The following EPHA6 variants were observed in gnomAD, a reference collection of about 807,000 sequenced individuals.
EPHA6 encodes EPH receptor A6, also known as ephrin type-A receptor 6.
A neutral mutation model predicts 112.0 loss-of-function variants in EPHA6; 50 were observed. The observed-to-expected ratio is 0.45, with a 90% CI of 0.36 to 0.56. EPHA6 has a LOEUF of 0.56. Ranked by LOEUF, EPHA6 falls within the 20% of genes least tolerant of loss-of-function variation. The probability of loss-of-function intolerance (pLI) is 0.00; values close to 1 mark genes in which losing one functional copy is unlikely to be tolerated. For synonymous variants in EPHA6, 529 were observed against 490.7 expected, an observed-to-expected ratio of 1.08 and a Z score of -1.03; for missense variants, 1,280 against 1,417.4, an observed-to-expected ratio of 0.90 and a Z score of 1.56.
At chr3:97,668,768 G>A (rs924835384) in intron 14 of EPHA6, among the ~76,000 whole-genome samples, 1 of 151,646 alleles carries the variant, frequency 6.6e-6, no homozygotes, top group Non-Finnish European at 1.5e-5. Context: ...ACAAAAATTA[G>A]CTGGGCATGG....
At chr3:97,207,264 T>C (rs1302307606) in intron 3 of EPHA6, among the ~76,000 whole-genome samples, 2 of 152,184 alleles carry the variant, frequency 1.3e-5, no homozygotes, top group Non-Finnish European at 2.9e-5. Flanking sequence ...GGGTCACTTA[T>C]TTATTTTGTT....
At position 97,423,596 on chromosome 3, in the gene EPHA6, A is replaced by C. The variant is rs561921252; in HGVS notation, c.1731+18322A>C. Among the ~76,000 whole-genome samples the C allele has an allele frequency of 2.6e-5, 4 of 152,336 alleles. No individual in the cohort carries two copies. In the East Asian group the frequency reaches 7.7e-4, roughly 29 times the overall value. On this transcript the variant is annotated intron_variant, in intron 6 of 17. Transcript: ENST00000389672. The stretch of plus-strand genomic sequence containing the variant: ...ACTACCCAAAGCAATCTACATATTC[A>C]ATGCTATTCCTATCAATCTACCTAT...
intron 3 of EPHA6, among the ~76,000 whole-genome samples, chr3:97,107,975 ATAC>A (rs1487799095): frequency 1.3e-5 from 2 of 152,184 alleles, no homozygotes; most frequent in Non-Finnish European, 2.9e-5. Flanking sequence ...AAACTACATG[ATAC>A]TATTCTAAGT....
Position 97,700,711 on chromosome 3 carries a change from C to T in EPHA6, c.2785-19550C>T, listed in dbSNP as rs972932378. 5.3e-5 allele frequency among the ~76,000 whole-genome samples: 8 copies of T among 152,238 alleles called. No individual in the cohort carries two copies. The South Asian group carries it at 6.2e-4, about 12-fold the overall frequency. On this transcript the variant is annotated intron_variant, in intron 14 of 17. Transcript: ENST00000389672. ...AAATACACCACACACACATACAGTA[C>T]ACATATAAAATATATGCATATATGT...
At chr3:97,144,683 T>C (rs1308071528) in intron 3 of EPHA6, among the ~76,000 whole-genome samples, 1 of 151,554 alleles carries the variant, frequency 6.6e-6, no homozygotes, top group Non-Finnish European at 1.5e-5. Context: ...AAATTAATAA[T>C]CTTCATTACG....
At chr3:96,984,089 C>T (rs1287403148) in intron 2 of EPHA6, among the ~76,000 whole-genome samples, 2 of 152,200 alleles carry the variant, frequency 1.3e-5, no homozygotes, top group African/African-American at 4.8e-5. Flanking sequence ...TTTTCCGTTG[C>T]TGGCGAGGAA....
At chr3:96,988,212 A>T (rs1283585343) in intron 3 of EPHA6, among the ~76,000 whole-genome samples, 2 of 152,180 alleles carry the variant, frequency 1.3e-5, no homozygotes, top group Non-Finnish European at 2.9e-5. Flanking sequence ...AATATTATAC[A>T]TTTATTTCAA....
chr3:97,563,886 CAA>C (rs1240293646), intron 11 of EPHA6, among the ~76,000 whole-genome samples: 1 of 152,076 alleles, frequency 6.6e-6, no homozygotes, highest in East Asian at 1.9e-4. Flanking sequence ...TTATTAGTAT[CAA>C]GTGTTTAGAA....
chr3:96,919,133 G>A (rs112848804), intron 2 of EPHA6, among the ~76,000 whole-genome samples: 2,067 of 151,924 alleles, frequency 0.014, 50 homozygotes, highest in African/African-American at 0.046. Context: ...ACTGTGGAAC[G>A]TAGCCGCTTT....
At chr3:97,179,717 G>GTCTCTCCC (rs2076932715) in intron 3 of EPHA6, among the ~76,000 whole-genome samples, 1 of 119,110 alleles carries the variant, frequency 8.4e-6, no homozygotes, top group Admixed American at 8.0e-5. Flanking sequence ...AACCTACAGA[G>GTCTCTCCC]TCTCTCTCTC....
intron 14 of EPHA6, among the ~76,000 whole-genome samples, chr3:97,719,081 C>A (rs2034387210): frequency 2.9e-5 from 1 of 34,580 alleles, no homozygotes; most frequent in African/African-American, 1.4e-4. Context: ...CCGTTCCCGC[C>A]CCCCCCACCC....
intron 1 of EPHA6, among the ~76,000 whole-genome samples, chr3:96,849,124 A>G (rs1213425620): frequency 1.3e-5 from 2 of 152,160 alleles, no homozygotes; most frequent in East Asian, 3.9e-4. Context: ...TTAATTTAGA[A>G]ATTGCTGACC....
intron 5 of EPHA6, among the ~76,000 whole-genome samples, chr3:97,342,174 C>T (rs1034937737): frequency 2.0e-5 from 3 of 152,126 alleles, no homozygotes; most frequent in Non-Finnish European, 4.4e-5. Flanking sequence ...CCTGTCTTCA[C>T]AGAACTGGAA....
At chr3:96,820,878 A>T (rs998174044) in intron 1 of EPHA6, among the ~76,000 whole-genome samples, 3 of 151,974 alleles carry the variant, frequency 2.0e-5, no homozygotes, top group African/African-American at 7.2e-5. Context: ...AGCAGAGTCT[A>T]GGTTTTGGCT....
chr3:97,736,460 AGAGAGAGAGAGTGTGTGTGTGT>A (rs1337558822), intron 16 of EPHA6, among the ~76,000 whole-genome samples: 94 of 145,562 alleles, frequency 6.5e-4, no homozygotes, highest in Non-Finnish European at 9.1e-4. Context: ...AGAGAGAGAG[AGAGAGAGAGAGTGTGTGTGTGT>A]GTGTGTGTGT....
intron 11 of EPHA6, among the ~76,000 whole-genome samples, chr3:97,570,218 G>A (rs1577813824): frequency 6.6e-6 from 1 of 152,076 alleles, no homozygotes; most frequent in African/African-American, 2.4e-5. Flanking sequence ...GAAGCAAGTG[G>A]CCAGGAAAAC....
intron 5 of EPHA6, among the ~76,000 whole-genome samples, chr3:97,286,786 T>C (rs2080480247): frequency 6.6e-6 from 1 of 152,034 alleles, no homozygotes; most frequent in Non-Finnish European, 1.5e-5. Context: ...AAAATCACAT[T>C]GGTATTTTAT....
Position 97,637,939 on chromosome 3 carries a change from AAGT to A in EPHA6, c.2643_2645del (p.Lys881_Tyr882delinsAsn). On this transcript the variant is annotated inframe_deletion, in exon 14 of 18. Coordinates refer to ENST00000389672, the MANE Select transcript of EPHA6 (RefSeq NM_001080448.3). ...GCTCCGAGGCATTGCATCAGGCATG[AAGT>A]ATCTTTCTGATATGGGTTATGTTCA... 6.2e-7 allele frequency: 1 copy of A among 1,613,946 alleles called. No homozygotes were observed. Among genetic ancestry groups the A allele is most frequent in the Non-Finnish European group, 8.5e-7 (1 of 1,179,842 alleles).
chr3:97,702,645 G>T (rs983578473), intron 14 of EPHA6, among the ~76,000 whole-genome samples: 9 of 152,056 alleles, frequency 5.9e-5, no homozygotes, highest in African/African-American at 2.2e-4. Flanking sequence ...TAACAGTACT[G>T]CAATTCAATC....
Sources: allele counts gnomAD v4.1 joint callset (sites outside exome capture counted in the v4.1 genomes callset), GRCh38; gene constraint gnomAD v4.1.1; transcripts MANE v1.5; gene names NCBI Gene and HGNC (gene_info 2026-07-23, HGNC 2026-07-21).